Variants in AOPEP observed in about 807,000 individuals in gnomAD.
The protein encoded by AOPEP is aminopeptidase O.
Under a neutral mutation model 98.1 loss-of-function variants are expected in AOPEP, and 77 were observed. The ratio of observed to expected loss-of-function variants is 0.78; its 90% confidence interval spans 0.65 to 0.95. AOPEP has a LOEUF of 0.95. Among genes scored for constraint, AOPEP ranks in the 40% least tolerant of loss-of-function variants. The pLI is 0.00. For missense variants in AOPEP, 1,024 were observed against 1,024.7 expected (o/e 1.00, Z 0.01); for synonymous variants, 346 against 365.3 (o/e 0.95, Z 0.60).
chr9:94,869,486 T>G (rs1207698864), intron 5 of AOPEP, among the ~76,000 whole-genome samples: 1 of 152,196 alleles, frequency 6.6e-6, no homozygotes, highest in Non-Finnish European at 1.5e-5. Context: ...AACCCTTATC[T>G]GTTGTATTGA....
At chr9:94,995,240 T>C (rs1196871494) in intron 11 of AOPEP, among the ~76,000 whole-genome samples, 1 of 152,224 alleles carries the variant, frequency 6.6e-6, no homozygotes, top group African/African-American at 2.4e-5. Context: ...TCAGTTATTT[T>C]GATACCTTTG....
chr9:94,811,496 C>T (rs1459182981), intron 5 of AOPEP, among the ~76,000 whole-genome samples: 1 of 152,198 alleles, frequency 6.6e-6, no homozygotes, highest in East Asian at 1.9e-4. Flanking sequence ...TCTGGGCTCT[C>T]TCCACTCCCC....
chr9:95,018,976 GT>G, intron 13 of AOPEP: 1 of 152,242 alleles, frequency 6.6e-6, no homozygotes. Context: ...CCATCCGTTT[GT>G]TTTTTTCTCC....
chr9:94,806,089 G>T (rs1849204411), intron 5 of AOPEP, among the ~76,000 whole-genome samples: 1 of 152,108 alleles, frequency 6.6e-6, no homozygotes, highest in Non-Finnish European at 1.5e-5. Flanking sequence ...TTAGATTTCA[G>T]GGGATGTGAC....
chr9:95,027,483 T>C (rs1055512083), intron 13 of AOPEP, among the ~76,000 whole-genome samples: 1 of 152,294 alleles, frequency 6.6e-6, no homozygotes. Context: ...AGGAGTGATG[T>C]TTTTGGTATT....
the AOPEP span, among the ~76,000 whole-genome samples, chr9:95,116,997 G>T: frequency 6.6e-6 from 1 of 152,234 alleles, no homozygotes; most frequent in East Asian, 1.9e-4. Context: ...CCAAGTCTTA[G>T]CCTGTTCCTG....
chr9:95,059,792 A>G (rs911202117), intron 13 of AOPEP, among the ~76,000 whole-genome samples: 7 of 152,208 alleles, frequency 4.6e-5, no homozygotes, highest in Admixed American at 2.0e-4. Context: ...CATGGAATTC[A>G]TAGGATTAAT....
intron 5 of AOPEP, among the ~76,000 whole-genome samples, chr9:94,848,451 C>CA (rs35685082): frequency 0.8 from 61,097 of 75,908 alleles, 24,616 homozygotes; most frequent in Non-Finnish European, 0.87. Flanking sequence ...GACTCCGTCT[C>CA]AAAAAAAAAA....
intron 9 of AOPEP, among the ~76,000 whole-genome samples, chr9:94,964,574 A>G (rs1479744483): frequency 6.6e-6 from 1 of 151,848 alleles, no homozygotes; most frequent in African/African-American, 2.4e-5. Context: ...ATAAATTAGT[A>G]TAGGCTACAA....
At chr9:95,101,064 A>G in the AOPEP span, 2 of 234,966 alleles carry the variant, frequency 8.5e-6, no homozygotes, top group South Asian at 1.8e-4. Flanking sequence ...CTGATGTCCC[A>G]AGGGCCTTTT....
intron 13 of AOPEP, among the ~76,000 whole-genome samples, chr9:95,043,272 G>C (rs76612785): frequency 1.2e-4 from 2 of 17,200 alleles, no homozygotes; most frequent in Non-Finnish European, 7.0e-4. Context: ...ATATATATCT[G>C]TATATATGTA....
intron 1 of AOPEP, among the ~76,000 whole-genome samples, chr9:94,755,474 C>T (rs1303343421): frequency 6.6e-6 from 1 of 152,162 alleles, no homozygotes; most frequent in Non-Finnish European, 1.5e-5. Flanking sequence ...AAGACATAGA[C>T]AAATAAGCAA....
intron 11 of AOPEP, among the ~76,000 whole-genome samples, chr9:94,993,471 T>G (rs1035763417): frequency 6.6e-6 from 1 of 152,174 alleles, no homozygotes; most frequent in African/African-American, 2.4e-5. Flanking sequence ...GTGTGAGAAA[T>G]TGCTACAGTG....
At chr9:95,084,779 G>C (rs1468506153) in intron 16 of AOPEP, among the ~76,000 whole-genome samples, 1 of 150,358 alleles carries the variant, frequency 6.7e-6, no homozygotes, top group African/African-American at 2.5e-5. Context: ...TTGCAAGCCT[G>C]CCCCCCAACC....
rs143013239 is a variant in AOPEP at position 94,973,518 on chromosome 9, GTT to G, written c.1916+5718_1916+5719del. On this transcript the variant is annotated intron_variant, in intron 10 of 16. Transcript: ENST00000375315. The stretch of plus-strand genomic sequence containing the variant: ...GTCAGCATATTCTCTCCCCTGCCGT[GTT>G]AACTAAGTGTGACCAAATTTATAGC... Among the ~76,000 whole-genome samples, 3 of 152,304 alleles carry G rather than the reference GTT, an allele frequency of 2.0e-5. No homozygotes were observed. In the East Asian group the frequency reaches 5.8e-4, roughly 29 times the overall value.
At chr9:94,992,038 T>A (rs79712851) in intron 11 of AOPEP, among the ~76,000 whole-genome samples, 1 of 152,214 alleles carries the variant, frequency 6.6e-6, no homozygotes, top group Non-Finnish European at 1.5e-5. Context: ...TTGATGTACA[T>A]TTTTCATATC....
the AOPEP span, among the ~76,000 whole-genome samples, chr9:95,122,713 G>A: frequency 7.9e-5 from 12 of 152,274 alleles, no homozygotes; most frequent in South Asian, 2.5e-3. Flanking sequence ...AAAGAGGCGC[G>A]AGCTAACCCT....
At chr9:94,872,117 G>A (rs888655863) in intron 5 of AOPEP, among the ~76,000 whole-genome samples, 2 of 152,128 alleles carry the variant, frequency 1.3e-5, no homozygotes, top group African/African-American at 2.4e-5. Context: ...TAGAATTTCC[G>A]TGTCACTTTC....
chr9:94,953,011 T>G (rs897317459), intron 7 of AOPEP, among the ~76,000 whole-genome samples: 3 of 152,252 alleles, frequency 2.0e-5, no homozygotes, highest in African/African-American at 7.2e-5. Context: ...ATCATTCTTC[T>G]GTGTTCCTCC....
Sources: allele counts gnomAD v4.1 joint callset (sites outside exome capture counted in the v4.1 genomes callset), GRCh38; gene constraint gnomAD v4.1.1; transcripts MANE v1.5; gene names NCBI Gene and HGNC (gene_info 2026-07-23, HGNC 2026-07-21).